TRIM2: variants seen among roughly 807,000 people sequenced by gnomAD.
The protein encoded by TRIM2 is tripartite motif-containing protein 2.
In TRIM2, 20 loss-of-function variants were observed where a neutral mutation model predicts 75.2. The observed-to-expected ratio is 0.27, with a 90% confidence interval of 0.19 to 0.39. The LOEUF is 0.39. Ranked by LOEUF, TRIM2 falls within the 10% of genes least tolerant of loss-of-function variation. TRIM2 has a pLI of 1.00. For missense variants in TRIM2, 660 were observed against 990.8 expected (o/e 0.67, Z 4.48); for synonymous variants, 373 against 388.3 (o/e 0.96, Z 0.46).
At chr4:153,174,829 T>C (rs1316531844) in intron 1 of TRIM2, among the ~76,000 whole-genome samples, 2 of 152,174 alleles carry the variant, frequency 1.3e-5, no homozygotes, top group African/African-American at 4.8e-5. Context: ...CTCTCAAGGA[T>C]GAGTAAATCA....
intron 8 of TRIM2, among the ~76,000 whole-genome samples, chr4:153,320,998 G>A (rs1768845581): frequency 6.6e-6 from 1 of 152,192 alleles, no homozygotes; most frequent in Non-Finnish European, 1.5e-5. Context: ...GTGCCAGGGA[G>A]AACTGTGGTT....
At position 153,166,806 on chromosome 4, in the gene TRIM2, C is replaced by T. The variant is rs570054203; in HGVS notation, c.-49+13536C>T. On this transcript the variant is annotated intron_variant, in intron 1 of 11. Coordinates refer to the TRIM2 transcript ENST00000437508. The stretch of plus-strand genomic sequence containing the variant: ...GCTTTGGGTAAATAAAAGTGACTTC[C>T]ACCATTCTAGGAGCATGAAATGGAA... 2.0e-5 allele frequency among the ~76,000 whole-genome samples: 3 copies of T among 152,266 alleles called. No homozygotes were observed. The South Asian group carries it at 6.2e-4, about 32-fold the overall frequency.
At chr4:153,249,949 T>A (rs1750442689) in intron 1 of TRIM2, among the ~76,000 whole-genome samples, 1 of 152,142 alleles carries the variant, frequency 6.6e-6, no homozygotes, top group African/African-American at 2.4e-5. Flanking sequence ...AACTTTGAAT[T>A]CTCGAGGCCA....
At chr4:153,285,620 G>C (rs955387115) in intron 3 of TRIM2, among the ~76,000 whole-genome samples, 3 of 152,202 alleles carry the variant, frequency 2.0e-5, no homozygotes, top group African/African-American at 7.2e-5. Flanking sequence ...ACCATGCCTA[G>C]CTGGGAATTG....
At chr4:153,207,291 C>G (rs529009311) in intron 1 of TRIM2, among the ~76,000 whole-genome samples, 1 of 152,044 alleles carries the variant, frequency 6.6e-6, no homozygotes, top group African/African-American at 2.4e-5. Context: ...GTGCGGTGGC[C>G]GATGGGGGAC....
chr4:153,198,032 G>A (rs959220368), intron 1 of TRIM2, among the ~76,000 whole-genome samples: 1 of 152,140 alleles, frequency 6.6e-6, no homozygotes, highest in Non-Finnish European at 1.5e-5. Context: ...CTCCAGAACT[G>A]TAAGACATAA....
intron 1 of TRIM2, among the ~76,000 whole-genome samples, chr4:153,265,462 G>A (rs1279369158): frequency 6.6e-6 from 1 of 151,772 alleles, no homozygotes; most frequent in Non-Finnish European, 1.5e-5. Context: ...TCCTGCCTCA[G>A]CCACCGGAGT....
intron 1 of TRIM2, among the ~76,000 whole-genome samples, chr4:153,170,614 A>G (rs1355606970): frequency 6.6e-6 from 1 of 152,152 alleles, no homozygotes; most frequent in Non-Finnish European, 1.5e-5. Flanking sequence ...CCCACAAGCT[A>G]AATTGTAGGC....
intron 8 of TRIM2, among the ~76,000 whole-genome samples, chr4:153,320,418 A>G (rs1165337225): frequency 6.6e-6 from 1 of 152,244 alleles, no homozygotes; most frequent in Non-Finnish European, 1.5e-5. Flanking sequence ...TTATATTTCT[A>G]TCAGACAGCA....
Position 153,294,285 on chromosome 4 carries a change from C to T in TRIM2, c.606-20C>T. The T allele has an allele frequency of 2.5e-6, 4 of 1,611,090 alleles. No homozygotes were observed. The highest frequency in any genetic ancestry group is 3.4e-6 in the Non-Finnish European group (4 of 1,178,204). ...TTCTGGGTTGAGGTTAAATAACGAC[C>T]TTTAACAACTGTCCACCAGGCTCCC... On this transcript the variant is annotated intron_variant, in intron 4 of 11. Transcript: ENST00000338700.
chr4:153,155,334 T>C (rs1198166416), intron 1 of TRIM2, among the ~76,000 whole-genome samples: 1 of 152,210 alleles, frequency 6.6e-6, no homozygotes, highest in East Asian at 1.9e-4. Flanking sequence ...TAAATACTTC[T>C]ACTGAATTCT....
chr4:153,331,036 T>C (rs1036405302), intron 11 of TRIM2, among the ~76,000 whole-genome samples: 4 of 152,072 alleles, frequency 2.6e-5, no homozygotes, highest in Admixed American at 2.6e-4. Context: ...CAAAAATCAA[T>C]TATGGTCAGG....
intron 1 of TRIM2, chr4:153,257,894 CA>C (rs1752469032): frequency 3.5e-6 from 1 of 284,720 alleles, no homozygotes; most frequent in Admixed American, 4.5e-5. Flanking sequence ...CTGTAAAATG[CA>C]GACCCATTCT....
At chr4:153,259,420 A>C (rs1752861073) in intron 1 of TRIM2, among the ~76,000 whole-genome samples, 1 of 152,182 alleles carries the variant, frequency 6.6e-6, no homozygotes, top group Non-Finnish European at 1.5e-5. Flanking sequence ...GAAAATCCCA[A>C]ATATGTAGCA....
chr4:153,232,971 CA>C (rs1744065969), intron 1 of TRIM2, among the ~76,000 whole-genome samples: 2 of 152,144 alleles, frequency 1.3e-5, no homozygotes, highest in Non-Finnish European at 2.9e-5. Flanking sequence ...TCCCCTGGGC[CA>C]CTGGAAACCT....
intron 1 of TRIM2, among the ~76,000 whole-genome samples, chr4:153,249,347 G>A (rs369635800): frequency 6.6e-6 from 1 of 152,188 alleles, no homozygotes; most frequent in East Asian, 1.9e-4. Flanking sequence ...CAGAGCCTGC[G>A]GGGTGAAAGC....
At chr4:153,289,677 T>C (rs774524403) in intron 3 of TRIM2, among the ~76,000 whole-genome samples, 2 of 152,240 alleles carry the variant, frequency 1.3e-5, no homozygotes, top group Non-Finnish European at 2.9e-5. Flanking sequence ...TATGATATAG[T>C]ATTTGCAACT....
intron 1 of TRIM2, among the ~76,000 whole-genome samples, chr4:153,177,550 G>A (rs1294833412): frequency 6.6e-6 from 1 of 152,052 alleles, no homozygotes; most frequent in East Asian, 1.9e-4. Context: ...GGAGGCTGAG[G>A]CAGGAGAATC....
At chr4:153,285,549 C>T (rs1760419568) in intron 3 of TRIM2, among the ~76,000 whole-genome samples, 1 of 152,102 alleles carries the variant, frequency 6.6e-6, no homozygotes, top group South Asian at 2.1e-4. Context: ...CCAGCCTGGT[C>T]TTGGGGCAAG....
Sources: allele counts gnomAD v4.1 joint callset (sites outside exome capture counted in the v4.1 genomes callset), GRCh38; gene constraint gnomAD v4.1.1; transcripts MANE v1.5; gene names NCBI Gene and HGNC (gene_info 2026-07-23, HGNC 2026-07-21).